SNX30: variants seen among roughly 807,000 people sequenced by gnomAD.
SNX30 encodes the protein sorting nexin-30.
SNX30 carries 24 observed loss-of-function variants against 46.4 expected under a neutral mutation model. That is an observed-to-expected ratio of 0.52 (90% CI 0.37 to 0.73). SNX30 has a LOEUF of 0.73. SNX30 is among the 30% of genes least tolerant of loss of function. SNX30 has a pLI of 0.00. For synonymous variants in SNX30, 189 were observed against 211.5 expected (o/e 0.89, Z 0.92); for missense variants, 533 against 555.7 (o/e 0.96, Z 0.41).
At chr9:112,757,849 G>A (rs942682374) in intron 1 of SNX30, among the ~76,000 whole-genome samples, 5 of 151,982 alleles carry the variant, frequency 3.3e-5, no homozygotes, top group Non-Finnish European at 7.4e-5. Flanking sequence ...CATTCCATTT[G>A]TTCATGTCTT....
Position 112,755,448 on chromosome 9 carries a change from G to T in SNX30, c.156+4291G>T, listed in dbSNP as rs7863952. Among the ~76,000 whole-genome samples the T allele has an allele frequency of 1.7e-4, 26 of 151,864 alleles. No homozygotes were observed. In the East Asian group the frequency reaches 3.1e-3, roughly 18 times the overall value. ...GGGTCAGATTATATTGAATGTGGCC[G>T]GTCACCCTGAGGACTTTGGCCTTTA... On this transcript the variant is annotated intron_variant, in intron 1 of 8. Coordinates refer to ENST00000374232, the MANE Select transcript of SNX30 (RefSeq NM_001012994.2).
At chr9:112,807,569 G>T (rs996773826) in intron 2 of SNX30, among the ~76,000 whole-genome samples, 8 of 151,990 alleles carry the variant, frequency 5.3e-5, no homozygotes, top group Non-Finnish European at 5.9e-5. Flanking sequence ...TTTTTTTCTA[G>T]GGTGACCTTA....
chr9:112,867,407 C>T (rs547943383), intron 8 of SNX30, among the ~76,000 whole-genome samples: 11 of 150,070 alleles, frequency 7.3e-5, no homozygotes, highest in African/African-American at 1.7e-4. Flanking sequence ...CTCAGAATTC[C>T]TCCTCCCTCC....
chr9:112,819,083 G>A (rs2131424110), intron 3 of SNX30, among the ~76,000 whole-genome samples: 1 of 152,218 alleles, frequency 6.6e-6, no homozygotes, highest in South Asian at 2.1e-4. Context: ...CTGCATTTTA[G>A]AACATTATCA....
intron 1 of SNX30, among the ~76,000 whole-genome samples, chr9:112,769,053 A>G (rs951764400): frequency 6.6e-6 from 1 of 152,182 alleles, no homozygotes; most frequent in Admixed American, 6.5e-5. Context: ...AGCTTTTCTC[A>G]TTCAGCCTTG....
intron 2 of SNX30, among the ~76,000 whole-genome samples, chr9:112,806,996 G>A (rs1463930332): frequency 6.7e-6 from 1 of 149,598 alleles, no homozygotes; most frequent in Non-Finnish European, 1.5e-5. Context: ...TTTCTCTATG[G>A]ACATTTAAGC....
chr9:112,864,181 G>A, intron 7 of SNX30, 66 bp from the exon 8 acceptor site: 1 of 1,533,702 alleles, frequency 6.5e-7, no homozygotes. Context: ...TGTGTGCTCA[G>A]AGGAGCTCAA....
intron 1 of SNX30, among the ~76,000 whole-genome samples, chr9:112,773,150 A>G (rs1478004481): frequency 1.3e-5 from 2 of 152,200 alleles, no homozygotes; most frequent in Admixed American, 6.5e-5. Context: ...CGTAGAGAGA[A>G]TAGAGCCTTT....
intron 1 of SNX30, among the ~76,000 whole-genome samples, chr9:112,778,479 C>G (rs1226013408): frequency 6.6e-6 from 1 of 152,128 alleles, no homozygotes; most frequent in African/African-American, 2.4e-5. Flanking sequence ...GCCATGTTGG[C>G]CAGGCTGGTC....
chr9:112,830,712 C>T lies in SNX30; in HGVS notation c.460-13C>T, dbSNP rs1232466999. ...CATCAATTACTCTGGTTTTTTTCTT[C>T]ATGTCTTCATAGCCTCTTCCCGAGA... On this transcript the variant is annotated splice_polypyrimidine_tract_variant and intron_variant, in intron 3 of 8. Coordinates refer to ENST00000374232, the MANE Select transcript of SNX30 (RefSeq NM_001012994.2). 5 of 1,595,500 alleles carry T rather than the reference C, an allele frequency of 3.1e-6. No individual in the cohort carries two copies. Among genetic ancestry groups the T allele is most frequent in the Admixed American group, 1.8e-5 (1 of 55,032 alleles).
intron 4 of SNX30, among the ~76,000 whole-genome samples, chr9:112,835,928 C>A (rs963132892): frequency 6.6e-6 from 1 of 152,082 alleles, no homozygotes; most frequent in African/African-American, 2.4e-5. Context: ...ATGTTAGAAA[C>A]AGCATTGTGT....
chr9:112,843,941 AAG>A (rs972759284), intron 6 of SNX30, among the ~76,000 whole-genome samples: 90 of 152,272 alleles, frequency 5.9e-4, no homozygotes, highest in African/African-American at 2.1e-3. Context: ...TAAGGACTAG[AAG>A]AGAAGCCATT....
At chr9:112,859,520 G>T (rs894813761) in intron 7 of SNX30, among the ~76,000 whole-genome samples, 1 of 152,150 alleles carries the variant, frequency 6.6e-6, no homozygotes, top group African/African-American at 2.4e-5. Context: ...TAAAATTTTT[G>T]AGGAATCTCC....
chr9:112,853,565 A>G (rs977880702), intron 7 of SNX30, among the ~76,000 whole-genome samples: 4 of 152,258 alleles, frequency 2.6e-5, no homozygotes, highest in African/African-American at 9.6e-5. Flanking sequence ...TTATTTGTAT[A>G]TATTTTAAAA....
chr9:112,884,371 G>A (rs1431324103), downstream of SNX30, among the ~76,000 whole-genome samples: 1 of 152,202 alleles, frequency 6.6e-6, no homozygotes, highest in Non-Finnish European at 1.5e-5. Context: ...AGCTTTACTG[G>A]TCTTTCCTGT....
chr9:112,777,901 C>T (rs1422235242), intron 1 of SNX30, among the ~76,000 whole-genome samples: 1 of 152,132 alleles, frequency 6.6e-6, no homozygotes, highest in African/African-American at 2.4e-5. Context: ...TATTGCTTAA[C>T]CACCCCAAAA....
At chr9:112,878,375 TC>T (rs1364087709), downstream of SNX30, 2 of 152,248 alleles carry the variant, frequency 1.3e-5, no homozygotes, top group Non-Finnish European at 2.9e-5. Context: ...AGCAAGTTGT[TC>T]CTTCTGCCTG....
At chr9:112,879,900 T>C, downstream of SNX30, 1 of 1,355,596 alleles carries the variant, frequency 7.4e-7, no homozygotes, top group Non-Finnish European at 1.1e-6. Context: ...GGGTTAATGA[T>C]AATTACAAGC....
intron 1 of SNX30, among the ~76,000 whole-genome samples, chr9:112,775,781 CTTTT>C (rs35535657): frequency 8.2e-6 from 1 of 122,350 alleles, no homozygotes; most frequent in Non-Finnish European, 1.7e-5. Context: ...TATGTGTAGT[CTTTT>C]TTTTTTTTTT....
Sources: allele counts gnomAD v4.1 joint callset (sites outside exome capture counted in the v4.1 genomes callset), GRCh38; gene constraint gnomAD v4.1.1; transcripts MANE v1.5; gene names NCBI Gene and HGNC (gene_info 2026-07-23, HGNC 2026-07-21).